DNAI4: variants seen among roughly 807,000 people sequenced by gnomAD.
DNAI4 encodes dynein axonemal intermediate chain 4.
A neutral mutation model predicts 105.8 loss-of-function variants in DNAI4; 85 were observed. The observed-to-expected ratio is 0.80, with a 90% CI of 0.67 to 0.96. DNAI4 has a LOEUF of 0.96. Ranked by LOEUF, DNAI4 falls within the 40% of genes least tolerant of loss-of-function variation. The pLI is 0.00. For missense variants in DNAI4, 1,014 were observed against 1,005.6 expected (o/e 1.01, Z -0.11); for synonymous variants, 352 against 331.5 (o/e 1.06, Z -0.67).
chr1:66,898,171 T>C (rs533556709), intron 2 of DNAI4, among the ~76,000 whole-genome samples: 105 of 152,310 alleles, frequency 6.9e-4, no homozygotes, highest in African/African-American at 2.4e-3. Context: ...TGGCCTATTC[T>C]CCCTTTTAGA....
At chr1:66,836,202 AAGAAAGAG>A (rs1422830488) in intron 10 of DNAI4, among the ~76,000 whole-genome samples, 4,484 of 50,942 alleles carry the variant, frequency 0.088, 301 homozygotes, top group East Asian at 0.18. Context: ...GAAAGAAAGA[AAGAAAGAG>A]AGAGAGAGAG....
chr1:66,912,651 T>C (rs778862455), intron 1 of DNAI4, among the ~76,000 whole-genome samples: 108 of 152,248 alleles, frequency 7.1e-4, no homozygotes, highest in Non-Finnish European at 1.1e-3. Context: ...GCTCCAACCA[T>C]CTTCGGCACA....
At chr1:66,821,873 C>T (rs1437197901) in intron 16 of DNAI4, among the ~76,000 whole-genome samples, 2 of 151,950 alleles carry the variant, frequency 1.3e-5, no homozygotes, top group East Asian at 3.9e-4. Flanking sequence ...TCTATTGACA[C>T]TGAGTTGTCT....
chr1:66,831,201 C>A (rs542089203), intron 13 of DNAI4, among the ~76,000 whole-genome samples: 2 of 151,926 alleles, frequency 1.3e-5, no homozygotes, highest in South Asian at 2.1e-4. Context: ...AATCTCCCCA[C>A]AAAGAAAACT....
intron 5 of DNAI4, among the ~76,000 whole-genome samples, chr1:66,873,029 T>G (rs1388998543): frequency 6.6e-6 from 1 of 152,130 alleles, no homozygotes; most frequent in Non-Finnish European, 1.5e-5. Flanking sequence ...TTTCTTAATG[T>G]TAATCATGTT....
chr1:66,873,334 C>T (rs1646890111), intron 5 of DNAI4, among the ~76,000 whole-genome samples: 1 of 151,802 alleles, frequency 6.6e-6, no homozygotes, highest in Non-Finnish European at 1.5e-5. Context: ...CACAACTTCC[C>T]GTGATCAATC....
intron 8 of DNAI4, among the ~76,000 whole-genome samples, chr1:66,845,690 C>T (rs1295467409): frequency 6.6e-6 from 1 of 152,092 alleles, no homozygotes; most frequent in East Asian, 1.9e-4. Flanking sequence ...AAATGAACTA[C>T]TTATACATGC....
intron 13 of DNAI4, among the ~76,000 whole-genome samples, chr1:66,832,589 A>G (rs12068628): frequency 0.39 from 58,910 of 151,960 alleles, 12,106 homozygotes; most frequent in South Asian, 0.5. Context: ...AATGAATAAT[A>G]TCTAGTATTT....
intron 1 of DNAI4, among the ~76,000 whole-genome samples, chr1:66,915,245 G>C (rs937161748): frequency 6.6e-6 from 1 of 152,194 alleles, no homozygotes; most frequent in Non-Finnish European, 1.5e-5. Context: ...TAGTCCACAG[G>C]CAATAAGGAG....
chr1:66,894,755 T>G (rs1648168808), intron 2 of DNAI4, among the ~76,000 whole-genome samples: 1 of 152,158 alleles, frequency 6.6e-6, no homozygotes, highest in Non-Finnish European at 1.5e-5. Flanking sequence ...ATAAAATAAG[T>G]GTTTATATGT....
intron 1 of DNAI4, among the ~76,000 whole-genome samples, chr1:66,919,701 C>G (rs1650321491): frequency 6.6e-6 from 1 of 152,204 alleles, no homozygotes; most frequent in Non-Finnish European, 1.5e-5. Context: ...TTCTCCTTAA[C>G]AAACACCTGC....
At position 66,905,315 on chromosome 1, in the gene DNAI4, T is replaced by C; in HGVS notation, c.231A>G (p.Ser77=). 1 of 1,533,390 alleles carries C rather than the reference T, an allele frequency of 6.5e-7. No individual in the cohort carries two copies. Among genetic ancestry groups the C allele is most frequent in the Non-Finnish European group, 8.9e-7 (1 of 1,128,408 alleles). The allele number at this position is 1,533,390 out of a possible 1,614,324, so 95.0% of individuals were successfully genotyped here. A position where few individuals can be genotyped will look rare whatever the true frequency, so the allele number is the denominator to read the frequency against. ...GATTTGCACCAGTATATCCTTTCAC[T>C]GAAGTTGCTTTCATTGTAGCAAAAA... ...ISFFATMKAT[S]VKGYTGANQS... is the part of the protein sequence containing the mutation. The change falls in exon 2 of 17, where the codon TCA becomes TCG. Residue 77 remains serine, a synonymous_variant. Transcript: ENST00000371026.
chr1:66,857,519 A>C (rs1480839204), intron 7 of DNAI4, among the ~76,000 whole-genome samples: 1 of 151,960 alleles, frequency 6.6e-6, no homozygotes, highest in African/African-American at 2.4e-5. Flanking sequence ...AATAATGTTA[A>C]AGACTCTGCC....
intron 7 of DNAI4, among the ~76,000 whole-genome samples, chr1:66,857,475 T>TA: frequency 6.6e-6 from 1 of 150,956 alleles, no homozygotes; most frequent in Non-Finnish European, 1.5e-5. Flanking sequence ...CCCTATAACT[T>TA]AAAGTATAAT....
chr1:66,896,296 T>C (rs936411309), intron 2 of DNAI4, among the ~76,000 whole-genome samples: 4 of 152,242 alleles, frequency 2.6e-5, no homozygotes, highest in Non-Finnish European at 5.9e-5. Context: ...ATTTTCAAAA[T>C]TCAAAATTGA....
At chr1:66,826,741 A>T in intron 15 of DNAI4, 79 bp downstream of exon 15, 1 of 1,258,794 alleles carries the variant, frequency 7.9e-7, no homozygotes, top group South Asian at 1.4e-5. Context: ...AATACCCTCT[A>T]ACTGGTGTCA....
chr1:66,866,672 A>C (rs1646741065), intron 6 of DNAI4, among the ~76,000 whole-genome samples: 1 of 152,068 alleles, frequency 6.6e-6, no homozygotes, highest in East Asian at 1.9e-4. Flanking sequence ...AGGAGGGGTA[A>C]ATTATTTTGA....
intron 3 of DNAI4, among the ~76,000 whole-genome samples, chr1:66,891,682 T>C (rs571052421): frequency 6.6e-6 from 1 of 152,360 alleles, no homozygotes; most frequent in Non-Finnish European, 1.5e-5. Context: ...CAGGCTGGTC[T>C]TGAACTCCTG....
rs199533773 is a variant in DNAI4 at position 66,847,477 on chromosome 1, T to A, written c.1291+7A>T. 4.2e-4 allele frequency: 679 copies of A among 1,609,690 alleles called. No individual in the cohort carries two copies. The African/African-American group carries it at 6.0e-3, about 14-fold the overall frequency. The stretch of plus-strand genomic sequence containing the variant: ...CCAGCCTAAACATGTTTATTTTTTT[T>A]AAATACCTTTTAAAACAGGAAGCTG... On this transcript the variant is annotated splice_region_variant and intron_variant, in intron 8 of 16. Transcript: ENST00000371026.
Sources: gnomAD v4.1 joint callset for allele counts (sites outside exome capture counted in the v4.1 genomes callset) on GRCh38, gnomAD v4.1.1 for gene constraint, MANE v1.5 for transcripts, NCBI Gene and HGNC (gene_info 2026-07-23, HGNC 2026-07-21) for gene names.